Variants in SPIDR observed in about 807,000 individuals in gnomAD.
The protein encoded by SPIDR is DNA repair-scaffolding protein.
SPIDR carries 93 observed loss-of-function variants against 104.6 expected under a neutral mutation model. The ratio of observed to expected loss-of-function variants is 0.89; its 90% CI spans 0.75 to 1.06. The LOEUF (loss-of-function observed/expected upper bound fraction) is 1.06, where lower values mean the gene tolerates loss of function less well. SPIDR is among the 50% of genes least tolerant of loss of function. SPIDR has a pLI of 0.00. For synonymous variants in SPIDR, 431 were observed against 416.9 expected, an observed-to-expected ratio of 1.03 and a Z score of -0.41; for missense variants, 1,154 against 1,111.2, an observed-to-expected ratio of 1.04 and a Z score of -0.55.
chr8:47,508,516 A>G (rs2081831785), intron 8 of SPIDR, among the ~76,000 whole-genome samples: 1 of 152,220 alleles, frequency 6.6e-6, no homozygotes, highest in African/African-American at 2.4e-5. Flanking sequence ...GAACCTTTCA[A>G]ATCTTTGACA....
At chr8:47,520,620 T>C (rs2083915617) in intron 8 of SPIDR, among the ~76,000 whole-genome samples, 1 of 152,192 alleles carries the variant, frequency 6.6e-6, no homozygotes, top group Non-Finnish European at 1.5e-5. Context: ...AAAAAGAAGC[T>C]AACTGTATTT....
At chr8:47,367,403 G>A (rs1215691412) in intron 5 of SPIDR, among the ~76,000 whole-genome samples, 1 of 152,178 alleles carries the variant, frequency 6.6e-6, no homozygotes, top group Non-Finnish European at 1.5e-5. Flanking sequence ...TCATCTTTGT[G>A]ACACTCTGAG....
chr8:47,430,433 A>C (rs2067157569), intron 7 of SPIDR, among the ~76,000 whole-genome samples: 1 of 152,166 alleles, frequency 6.6e-6, no homozygotes, highest in Non-Finnish European at 1.5e-5. Flanking sequence ...ATCGATAGTC[A>C]TTATGGCAGG....
At chr8:47,686,568 T>C (rs947476421) in intron 11 of SPIDR, among the ~76,000 whole-genome samples, 1 of 152,214 alleles carries the variant, frequency 6.6e-6, no homozygotes, top group African/African-American at 2.4e-5. Flanking sequence ...ATTTATTTTT[T>C]AGATAAGACC....
intron 5 of SPIDR, among the ~76,000 whole-genome samples, chr8:47,367,526 AAACTAAC>A (rs1406415884): frequency 6.6e-6 from 1 of 152,210 alleles, no homozygotes; most frequent in Non-Finnish European, 1.5e-5. Context: ...CAGCAATAGG[AAACTAAC>A]AAAGTTTTTG....
At chr8:47,582,899 C>T (rs2059872621) in intron 8 of SPIDR, among the ~76,000 whole-genome samples, 2 of 151,924 alleles carry the variant, frequency 1.3e-5, no homozygotes, top group South Asian at 2.1e-4. Context: ...ACCAGACACA[C>T]ACACACACAC....
At chr8:47,462,013 G>A (rs1422764360) in intron 8 of SPIDR, among the ~76,000 whole-genome samples, 4 of 152,044 alleles carry the variant, frequency 2.6e-5, no homozygotes, top group Admixed American at 2.6e-4. Flanking sequence ...TACCGGAATT[G>A]TTTTTCTGGT....
At chr8:47,380,732 G>T (rs1563794347) in intron 5 of SPIDR, among the ~76,000 whole-genome samples, 1 of 152,118 alleles carries the variant, frequency 6.6e-6, no homozygotes, top group Non-Finnish European at 1.5e-5. Context: ...AAGCCAGGTG[G>T]TTTTCAGAGG....
At chr8:47,451,513 G>A (rs1204669838) in intron 8 of SPIDR, among the ~76,000 whole-genome samples, 5 of 151,870 alleles carry the variant, frequency 3.3e-5, no homozygotes, top group African/African-American at 9.7e-5. Flanking sequence ...CCTGGGAGGC[G>A]CAGGTTGCAG....
At chr8:47,346,025 C>T (rs2051922728) in intron 5 of SPIDR, among the ~76,000 whole-genome samples, 2 of 152,192 alleles carry the variant, frequency 1.3e-5, no homozygotes, top group Non-Finnish European at 2.9e-5. Context: ...TGAGAGAGGG[C>T]ATGCCTGTCT....
At position 47,501,812 on chromosome 8, in the gene SPIDR, C is replaced by T. The variant is rs565432710; in HGVS notation, c.1097+61270C>T. On this transcript the variant is annotated intron_variant, in intron 8 of 19. Coordinates refer to ENST00000297423, the MANE Select transcript of SPIDR (RefSeq NM_001080394.4). ...AGATAGCTCTTATTATTTTGAGATA[C>T]GTCCCATCAATACCTAATTTATTGA... is the stretch of plus-strand genomic sequence containing the variant. Among the ~76,000 whole-genome samples, 33 of 152,144 alleles carry T rather than the reference C, an allele frequency of 2.2e-4. No homozygotes were observed. In the East Asian group the frequency reaches 5.8e-3, roughly 27 times the overall value.
chr8:47,594,258 C>T (rs2061402897), intron 8 of SPIDR, among the ~76,000 whole-genome samples: 1 of 151,018 alleles, frequency 6.6e-6, no homozygotes, highest in African/African-American at 2.4e-5. Flanking sequence ...GCCTGTAGTC[C>T]CAGCTATTTG....
chr8:47,393,971 C>A (rs2060947297), intron 5 of SPIDR, among the ~76,000 whole-genome samples: 1 of 151,816 alleles, frequency 6.6e-6, no homozygotes, highest in South Asian at 2.1e-4. Context: ...GTGGTGTGAT[C>A]TTAGCTCACT....
At chr8:47,731,066 T>G (rs1381865014) in intron 19 of SPIDR, among the ~76,000 whole-genome samples, 1 of 151,990 alleles carries the variant, frequency 6.6e-6, no homozygotes, top group Admixed American at 6.6e-5. Flanking sequence ...GAGACCAGCC[T>G]GGCCAACATG....
intron 7 of SPIDR, among the ~76,000 whole-genome samples, chr8:47,423,344 T>C (rs2154335836): frequency 6.7e-6 from 1 of 149,374 alleles, no homozygotes; most frequent in East Asian, 2.0e-4. Context: ...CAGTGGCTCA[T>C]GTCTGTAATC....
intron 10 of SPIDR, among the ~76,000 whole-genome samples, chr8:47,627,260 G>A (rs2154439694): frequency 6.6e-6 from 1 of 152,162 alleles, no homozygotes; most frequent in South Asian, 2.1e-4. Context: ...AGCGGGGAGG[G>A]ATAGCATTAG....
intron 10 of SPIDR, among the ~76,000 whole-genome samples, chr8:47,602,625 T>C (rs1003848672): frequency 6.6e-6 from 1 of 152,224 alleles, no homozygotes; most frequent in African/African-American, 2.4e-5. Flanking sequence ...TAAGTTTACT[T>C]CACACCTTGA....
At chr8:47,417,415 T>C (rs1262634572) in intron 7 of SPIDR, among the ~76,000 whole-genome samples, 4 of 152,240 alleles carry the variant, frequency 2.6e-5, no homozygotes, top group African/African-American at 9.6e-5. Flanking sequence ...CTTGGCTGCA[T>C]AAATGTCTTC....
At chr8:47,305,723 A>ATGTG (rs2042985544) in intron 5 of SPIDR, among the ~76,000 whole-genome samples, 3 of 152,212 alleles carry the variant, frequency 2.0e-5, no homozygotes, top group African/African-American at 7.2e-5. Flanking sequence ...GTGAGTTAGA[A>ATGTG]TAAAATGATA....
Sources: allele counts gnomAD v4.1 joint callset (sites outside exome capture counted in the v4.1 genomes callset), GRCh38; gene constraint gnomAD v4.1.1; transcripts MANE v1.5; gene names NCBI Gene and HGNC (gene_info 2026-07-23, HGNC 2026-07-21).